The following MDGA2 variants were observed in gnomAD, a reference collection of about 807,000 sequenced individuals.
MDGA2 encodes MAM domain-containing glycosylphosphatidylinositol anchor protein 2.
In MDGA2, 40 loss-of-function variants were observed where a neutral mutation model predicts 117.8. The observed-to-expected ratio is 0.34, with a 90% CI of 0.26 to 0.44. The LOEUF (loss-of-function observed/expected upper bound fraction) is 0.44, where lower values mean the gene tolerates loss of function less well. Ranked by LOEUF, MDGA2 falls within the 20% of genes least tolerant of loss-of-function variation. The probability of loss-of-function intolerance (pLI) is 1.00; values close to 1 mark genes in which losing one functional copy is unlikely to be tolerated. For synonymous variants in MDGA2, 452 were observed against 439.0 expected (o/e 1.03, Z -0.37); for missense variants, 1,123 against 1,250.6 (o/e 0.90, Z 1.54).
intron 5 of MDGA2, among the ~76,000 whole-genome samples, chr14:47,111,977 T>C (rs1881061630): frequency 6.6e-6 from 1 of 152,150 alleles, no homozygotes; most frequent in Admixed American, 6.5e-5. Context: ...GACAAGGATG[T>C]AGATTGTCTG....
intron 3 of MDGA2, among the ~76,000 whole-genome samples, chr14:47,168,407 C>A (rs1312813891): frequency 2.0e-5 from 3 of 151,552 alleles, no homozygotes; most frequent in African/African-American, 7.3e-5. Flanking sequence ...AATTTCATTA[C>A]CATAATTTGA....
chr14:47,567,313 T>G (rs919485186), intron 1 of MDGA2, among the ~76,000 whole-genome samples: 1 of 152,170 alleles, frequency 6.6e-6, no homozygotes, highest in African/African-American at 2.4e-5. Flanking sequence ...GTATCTGTAA[T>G]GGAATAAGAT....
chr14:47,614,092 T>G (rs1896903609), intron 1 of MDGA2, among the ~76,000 whole-genome samples: 1 of 146,050 alleles, frequency 6.8e-6, no homozygotes, highest in Non-Finnish European at 1.5e-5. Flanking sequence ...TGTTTTCTTT[T>G]TTCTTTTTTT....
intron 3 of MDGA2, among the ~76,000 whole-genome samples, chr14:47,159,083 T>C (rs1304185511): frequency 2.0e-5 from 3 of 152,176 alleles, no homozygotes; most frequent in Non-Finnish European, 4.4e-5. Flanking sequence ...TTTAGGGCAG[T>C]GGAACTACTC....
rs142664480 is a variant in MDGA2, at chr14:47,545,228, TG to T, written c.280+129288del. 1.5e-4 allele frequency among the ~76,000 whole-genome samples: 23 copies of T among 152,348 alleles called. No homozygotes were observed. The East Asian group carries it at 4.4e-3, about 29-fold the overall frequency. On this transcript the variant is annotated intron_variant, in intron 1 of 16. Coordinates refer to ENST00000399232, the MANE Select transcript of MDGA2 (RefSeq NM_001113498.3). The stretch of plus-strand genomic sequence containing the variant: ...AAAGAGAACAAAATAGGAAGGCTGA[TG>T]CCACTAAAAGCTGATGTCTAAATCC...
At chr14:46,842,066 G>A (rs1429514165) in intron 16 of MDGA2, 47 bp from the exon 17 acceptor site, 13 of 1,308,234 alleles carry the variant, frequency 9.9e-6, no homozygotes, top group African/African-American at 1.5e-5. Flanking sequence ...AGAATAATAA[G>A]CATTCCACGT....
intron 14 of MDGA2, among the ~76,000 whole-genome samples, chr14:46,872,509 A>G (rs1031272512): frequency 6.6e-5 from 10 of 152,016 alleles, no homozygotes; most frequent in African/African-American, 2.2e-4. Flanking sequence ...ATACTTCATT[A>G]TTTAGAATTT....
intron 3 of MDGA2, among the ~76,000 whole-genome samples, chr14:47,170,269 A>T (rs1884065146): frequency 6.6e-6 from 1 of 152,188 alleles, no homozygotes; most frequent in South Asian, 2.1e-4. Context: ...GAAGGAAAGT[A>T]AGAAACAGCA....
chr14:47,020,458 C>A (rs1025533757), intron 8 of MDGA2, among the ~76,000 whole-genome samples: 1 of 152,082 alleles, frequency 6.6e-6, no homozygotes, highest in Non-Finnish European at 1.5e-5. Context: ...CTAGAGAAAA[C>A]CAATCTGATT....
intron 1 of MDGA2, among the ~76,000 whole-genome samples, chr14:47,613,421 T>G (rs1317218804): frequency 6.6e-6 from 1 of 152,024 alleles, no homozygotes; most frequent in Non-Finnish European, 1.5e-5. Context: ...GGGAGGAAGT[T>G]CTGAATCTAC....
chr14:47,392,188 C>A (rs1459174336), intron 1 of MDGA2, among the ~76,000 whole-genome samples: 1 of 151,938 alleles, frequency 6.6e-6, no homozygotes, highest in Admixed American at 6.6e-5. Flanking sequence ...TAAATAACAT[C>A]GTTTAAGGTG....
intron 2 of MDGA2, among the ~76,000 whole-genome samples, chr14:47,224,092 G>C (rs1886394190): frequency 1.3e-5 from 2 of 152,032 alleles, no homozygotes; most frequent in South Asian, 4.1e-4. Flanking sequence ...AACCATATCA[G>C]CTATATTATT....
chr14:47,633,673 C>T (rs1897276797), intron 1 of MDGA2, among the ~76,000 whole-genome samples: 1 of 152,142 alleles, frequency 6.6e-6, no homozygotes, highest in South Asian at 2.1e-4. Context: ...AACTACACTG[C>T]ACATTTTGCT....
At chr14:46,931,038 A>C (rs919933999) in intron 9 of MDGA2, among the ~76,000 whole-genome samples, 2 of 152,002 alleles carry the variant, frequency 1.3e-5, no homozygotes, top group African/African-American at 4.8e-5. Context: ...AACATGGTGA[A>C]ACATCGTCTC....
At chr14:47,098,255 G>A (rs923879087) in intron 5 of MDGA2, among the ~76,000 whole-genome samples, 1 of 112,502 alleles carries the variant, frequency 8.9e-6, no homozygotes, top group Non-Finnish European at 1.8e-5. Context: ...ACTGTCTGCC[G>A]TGTTTGAAAA....
At position 46,892,309 on chromosome 14, in the gene MDGA2, T is replaced by C. The variant is rs1236377119; in HGVS notation, c.2239-10088A>G. Among the ~76,000 whole-genome samples the C allele has an allele frequency of 2.0e-5, 3 of 151,276 alleles. No individual in the cohort carries two copies. The East Asian group carries it at 5.8e-4, about 29-fold the overall frequency. On this transcript the variant is annotated intron_variant, in intron 10 of 16. Transcript: ENST00000399232. ...TAGTGTGGGAAAATGAATATCCACA[T>C]GCAAAAGAATGAAACTGGCTCGTAT...
intron 1 of MDGA2, among the ~76,000 whole-genome samples, chr14:47,380,996 A>C (rs977218277): frequency 6.6e-6 from 1 of 152,192 alleles, no homozygotes; most frequent in Non-Finnish European, 1.5e-5. Context: ...GCAGCACATC[A>C]AAAAGCTTAT....
chr14:46,963,455 G>C (rs978733174), intron 8 of MDGA2, among the ~76,000 whole-genome samples: 1 of 152,228 alleles, frequency 6.6e-6, no homozygotes, highest in Non-Finnish European at 1.5e-5. Context: ...TCAAGGTCCT[G>C]CAAGTTCTGG....
chr14:47,045,635 T>C (rs1034015786), intron 7 of MDGA2, among the ~76,000 whole-genome samples: 1 of 152,010 alleles, frequency 6.6e-6, no homozygotes, highest in Non-Finnish European at 1.5e-5. Flanking sequence ...TTGGAGGGAA[T>C]AGGGACTCTA....
Sources: gnomAD v4.1 joint callset for allele counts (sites outside exome capture counted in the v4.1 genomes callset) on GRCh38, gnomAD v4.1.1 for gene constraint, MANE v1.5 for transcripts, NCBI Gene and HGNC (gene_info 2026-07-23, HGNC 2026-07-21) for gene names.